CRTAC1: variants seen among roughly 807,000 people sequenced by gnomAD.
CRTAC1 encodes acidic secreted protein in cartilage.
Under a neutral mutation model 67.8 loss-of-function variants are expected in CRTAC1, and 37 were observed. That is an observed-to-expected ratio of 0.55 (90% CI 0.42 to 0.72). CRTAC1 has a LOEUF of 0.72. Ranked by LOEUF, CRTAC1 falls within the 30% of genes least tolerant of loss-of-function variation. CRTAC1 has a pLI of 0.00. For synonymous variants in CRTAC1, 348 were observed against 371.0 expected (o/e 0.94, Z 0.71); for missense variants, 780 against 931.6 (o/e 0.84, Z 2.12).
chr10:97,993,094 G>T (rs971938947), intron 2 of CRTAC1, among the ~76,000 whole-genome samples: 3 of 152,102 alleles, frequency 2.0e-5, no homozygotes. Context: ...CAGTACAACT[G>T]GTTAGTGGTG....
At chr10:97,907,917 G>T (rs2050635424) in intron 6 of CRTAC1, 96 bp downstream of exon 6, 5 of 1,385,760 alleles carry the variant, frequency 3.6e-6, no homozygotes, top group Non-Finnish European at 5.0e-6. Flanking sequence ...CCCTCAGCCA[G>T]AAGAGACTAT....
chr10:97,877,173 T>C lies in CRTAC1; in HGVS notation c.1819+3076A>G, dbSNP rs990803157. Among the ~76,000 whole-genome samples the C allele has an allele frequency of 1.8e-3, 267 of 152,262 alleles. 2 individuals are homozygous for C. The highest frequency in any genetic ancestry group is 9.0e-4 in the Non-Finnish European group (61 of 68,028). On this transcript the variant is annotated intron_variant, in intron 14 of 14. Coordinates refer to ENST00000370597, the MANE Select transcript of CRTAC1 (RefSeq NM_018058.7). Reference sequence around the variant, plus strand: ...TCAATAAATGCTTGCTGAATGAATATGTAAATGAATGAATGCAGAGAGCTT... The same window carrying C: ...TCAATAAATGCTTGCTGAATGAATACGTAAATGAATGAATGCAGAGAGCTT...
intron 1 of CRTAC1, among the ~76,000 whole-genome samples, chr10:98,021,632 A>G (rs1409855856): frequency 6.6e-6 from 1 of 152,236 alleles, no homozygotes; most frequent in Non-Finnish European, 1.5e-5. Context: ...AATGCCTGGC[A>G]TAGAGAAAGT....
chr10:98,017,321 A>G (rs1041911257), intron 1 of CRTAC1, among the ~76,000 whole-genome samples: 1 of 152,156 alleles, frequency 6.6e-6, no homozygotes, highest in African/African-American at 2.4e-5. Flanking sequence ...TGTAAAGGCA[A>G]TGGGAGGCTA....
intron 2 of CRTAC1, among the ~76,000 whole-genome samples, chr10:97,996,082 T>A (rs1471287522): frequency 6.6e-6 from 1 of 151,874 alleles, no homozygotes; most frequent in Non-Finnish European, 1.5e-5. Flanking sequence ...AAAAATTAAT[T>A]CAAGATGGAT....
chr10:97,907,223 A>G (rs534741754), intron 6 of CRTAC1, among the ~76,000 whole-genome samples: 1 of 152,336 alleles, frequency 6.6e-6, no homozygotes, highest in East Asian at 1.9e-4. Context: ...GAGCCTGAAG[A>G]AGACGTGCAT....
intron 7 of CRTAC1, 103 bp from the exon 8 acceptor site, chr10:97,901,742 C>T: frequency 7.0e-7 from 1 of 1,438,638 alleles, no homozygotes; most frequent in Non-Finnish European, 9.5e-7. Context: ...AAGAGACAGT[C>T]CAACCCAAAA....
chr10:97,964,770 G>A (rs1043176700), intron 2 of CRTAC1, among the ~76,000 whole-genome samples: 4 of 152,172 alleles, frequency 2.6e-5, no homozygotes, highest in African/African-American at 4.8e-5. Flanking sequence ...GATAGCTACT[G>A]AGCCCATCAT....
In CRTAC1 at chr10:97,953,531, C is replaced by G. The variant is rs559542916; in HGVS notation, c.225-17165G>C. On this transcript the variant is annotated intron_variant, in intron 2 of 14. Coordinates refer to ENST00000370597, the MANE Select transcript of CRTAC1 (RefSeq NM_018058.7). Reference sequence around the variant, plus strand: ...TGTGTTGGTTTAATCCAGCCCTGACCTTGGGACTCAAAACACAGAACTAAA... The same window carrying G: ...TGTGTTGGTTTAATCCAGCCCTGACGTTGGGACTCAAAACACAGAACTAAA... Among the ~76,000 whole-genome samples the G allele has an allele frequency of 5.9e-5, 9 of 152,232 alleles. No homozygotes were observed. In the East Asian group the frequency reaches 1.7e-3, roughly 29 times the overall value.
chr10:98,020,708 G>T (rs1564938903), intron 1 of CRTAC1, among the ~76,000 whole-genome samples: 1 of 152,258 alleles, frequency 6.6e-6, no homozygotes, highest in Non-Finnish European at 1.5e-5. Context: ...GGGAGCAGGT[G>T]CATGGGAGAT....
At chr10:98,012,691 G>A (rs1473878908) in intron 1 of CRTAC1, among the ~76,000 whole-genome samples, 1 of 152,168 alleles carries the variant, frequency 6.6e-6, no homozygotes, top group African/African-American at 2.4e-5. Context: ...CAAAATGAAG[G>A]GGCTGGGCAC....
chr10:98,017,479 C>T (rs1219435001), intron 1 of CRTAC1, among the ~76,000 whole-genome samples: 1 of 152,076 alleles, frequency 6.6e-6, no homozygotes, highest in Non-Finnish European at 1.5e-5. Context: ...TCATAAGGGC[C>T]AGAGATGGGA....
chr10:97,936,279 G>T lies in CRTAC1; in HGVS notation c.312C>A (p.Tyr104Ter). ...TCCCCTGCCGGTCCCGCAGCGCGTA[G>T]TAGGGTGAGCTGCGCTCATCGACCG... ...NIAVDERSSP[Y>*]YALRDRQGNA... The change falls in exon 3 of 15, where the codon TAC becomes TAA. Residue 104 changes from tyrosine to a stop codon, truncating the protein, a stop_gained. Transcript: ENST00000370597. LOFTEE classifies it high-confidence loss of function. The T allele has an allele frequency of 6.2e-7, 1 of 1,614,174 alleles. No individual in the cohort carries two copies.
intron 2 of CRTAC1, among the ~76,000 whole-genome samples, chr10:97,996,764 G>A (rs1167096944): frequency 4.6e-5 from 7 of 152,040 alleles, no homozygotes; most frequent in Non-Finnish European, 1.0e-4. Context: ...AAATCATGCT[G>A]CTATAAAGAC....
At chr10:97,981,296 C>T (rs2051887548) in intron 2 of CRTAC1, among the ~76,000 whole-genome samples, 2 of 152,204 alleles carry the variant, frequency 1.3e-5, no homozygotes, top group Non-Finnish European at 2.9e-5. Flanking sequence ...TCTAAACCAT[C>T]CACCTAGGAT....
At chr10:97,976,846 A>G (rs1925556) in intron 2 of CRTAC1, among the ~76,000 whole-genome samples, 1 of 151,956 alleles carries the variant, frequency 6.6e-6, no homozygotes, top group African/African-American at 2.4e-5. Flanking sequence ...CTTTATATAT[A>G]TTTGTTTCTC....
chr10:97,893,666 T>C (rs2050410522), intron 11 of CRTAC1, among the ~76,000 whole-genome samples: 2 of 152,178 alleles, frequency 1.3e-5, no homozygotes, highest in East Asian at 3.8e-4. Flanking sequence ...TGGTTGCAGG[T>C]TGCCTACCCA....
intron 2 of CRTAC1, among the ~76,000 whole-genome samples, chr10:97,950,246 C>CAGAG (rs71007371): frequency 0.048 from 5,405 of 113,226 alleles, 136 homozygotes; most frequent in Admixed American, 0.06. Flanking sequence ...CACACACACA[C>CAGAG]AGAGAGAGAG....
chr10:98,023,766 A>T (rs993926938), intron 1 of CRTAC1, among the ~76,000 whole-genome samples: 16 of 152,180 alleles, frequency 1.1e-4, no homozygotes, highest in African/African-American at 3.9e-4. Flanking sequence ...CACACAGAAG[A>T]TTCATGGCAG....
Sources: allele counts gnomAD v4.1 joint callset (sites outside exome capture counted in the v4.1 genomes callset), GRCh38; gene constraint gnomAD v4.1.1; transcripts MANE v1.5; gene names NCBI Gene and HGNC (gene_info 2026-07-23, HGNC 2026-07-21).